Variants in HSD17B12 observed in about 807,000 individuals in gnomAD.
The protein encoded by HSD17B12 is hydroxysteroid 17-beta dehydrogenase 12.
In HSD17B12, 32 loss-of-function variants were observed where a neutral mutation model predicts 39.3. The ratio of observed to expected loss-of-function variants is 0.81; its 90% CI spans 0.61 to 1.09. The LOEUF (loss-of-function observed/expected upper bound fraction) is 1.09. HSD17B12 is among the 50% of genes least tolerant of loss of function. The pLI is 0.00. For missense variants in HSD17B12, 342 were observed against 382.9 expected (o/e 0.89, Z 0.89); for synonymous variants, 150 against 146.7 (o/e 1.02, Z -0.16).
the HSD17B12 span, among the ~76,000 whole-genome samples, chr11:43,574,521 A>G: frequency 1.3e-5 from 2 of 152,100 alleles, no homozygotes; most frequent in African/African-American, 2.4e-5. Context: ...AGATCTTCCA[A>G]TCTGCAAGAA....
At chr11:43,704,283 C>G (rs1013715858) in intron 1 of HSD17B12, among the ~76,000 whole-genome samples, 82 of 152,162 alleles carry the variant, frequency 5.4e-4, no homozygotes, top group African/African-American at 1.9e-3. Flanking sequence ...TGTATACTTT[C>G]TTTGTGAGTA....
the HSD17B12 span, among the ~76,000 whole-genome samples, chr11:43,636,211 A>G: frequency 4.0e-3 from 610 of 152,332 alleles, 3 homozygotes; most frequent in East Asian, 0.03. Context: ...AGTGAGAACT[A>G]TGTTGCACCG....
upstream of HSD17B12, among the ~76,000 whole-genome samples, chr11:43,677,161 T>C (rs1004273928): frequency 6.6e-5 from 10 of 152,144 alleles, no homozygotes; most frequent in Admixed American, 2.6e-4. Flanking sequence ...ATTAATCTGA[T>C]AAGAGAATGG....
At chr11:43,835,027 A>G (rs544432836) in intron 7 of HSD17B12, among the ~76,000 whole-genome samples, 8 of 152,282 alleles carry the variant, frequency 5.3e-5, no homozygotes, top group African/African-American at 9.6e-5. Flanking sequence ...GTTTATTTGG[A>G]TATTTGTCAT....
At chr11:43,813,223 TG>T (rs1364342722) in intron 4 of HSD17B12, among the ~76,000 whole-genome samples, 1 of 152,194 alleles carries the variant, frequency 6.6e-6, no homozygotes, top group Non-Finnish European at 1.5e-5. Context: ...TGCTTAACTT[TG>T]TACTTATAGT....
chr11:43,742,051 C>G (rs1199215987), intron 1 of HSD17B12, among the ~76,000 whole-genome samples: 1 of 148,374 alleles, frequency 6.7e-6, no homozygotes, highest in Non-Finnish European at 1.5e-5. Flanking sequence ...GATTTTCTAT[C>G]CAACTACAGC....
intron 1 of HSD17B12, among the ~76,000 whole-genome samples, chr11:43,738,861 CAG>C (rs1256129831): frequency 1.3e-5 from 2 of 152,122 alleles, no homozygotes; most frequent in East Asian, 1.9e-4. Flanking sequence ...GTTTGCAAAA[CAG>C]AGAGTCTCCA....
At chr11:43,626,969 G>A in the HSD17B12 span, among the ~76,000 whole-genome samples, 4 of 151,884 alleles carry the variant, frequency 2.6e-5, no homozygotes, top group African/African-American at 9.7e-5. Flanking sequence ...AGTTAAGGAG[G>A]GGCAGCTTAG....
At chr11:43,661,616 C>T in the HSD17B12 span, among the ~76,000 whole-genome samples, 1 of 152,094 alleles carries the variant, frequency 6.6e-6, no homozygotes, top group African/African-American at 2.4e-5. Context: ...AGTTCAAGAT[C>T]TGCCTAGACA....
chr11:43,653,220 TG>T, the HSD17B12 span, among the ~76,000 whole-genome samples: 1 of 152,152 alleles, frequency 6.6e-6, no homozygotes, highest in East Asian at 1.9e-4. Context: ...GAGCCAGGAA[TG>T]GTGCTGGAAC....
At chr11:43,708,881 G>A (rs1164380619) in intron 1 of HSD17B12, among the ~76,000 whole-genome samples, 2 of 152,290 alleles carry the variant, frequency 1.3e-5, no homozygotes, top group East Asian at 3.9e-4. Context: ...ATTCCCAATA[G>A]CAACTATAAC....
chr11:43,606,917 G>A, the HSD17B12 span, among the ~76,000 whole-genome samples: 1 of 152,178 alleles, frequency 6.6e-6, no homozygotes, highest in Non-Finnish European at 1.5e-5. Flanking sequence ...GGCATTGGGA[G>A]TCAATGTGAG....
the HSD17B12 span, among the ~76,000 whole-genome samples, chr11:43,578,735 A>G: frequency 1.3e-5 from 2 of 151,600 alleles, no homozygotes; most frequent in South Asian, 2.1e-4. Flanking sequence ...TGGTAGCGCC[A>G]ATAAAGCACT....
At chr11:43,733,312 ACTT>A (rs1194782146) in intron 1 of HSD17B12, among the ~76,000 whole-genome samples, 3 of 152,260 alleles carry the variant, frequency 2.0e-5, no homozygotes, top group East Asian at 1.9e-4. Context: ...TGAGATTGTC[ACTT>A]CTTCTGTTAA....
the HSD17B12 span, among the ~76,000 whole-genome samples, chr11:43,658,297 T>C: frequency 1.3e-5 from 2 of 151,822 alleles, no homozygotes; most frequent in African/African-American, 4.9e-5. Flanking sequence ...ATTCGTCTAG[T>C]TTTTTTTCAA....
At position 43,768,975 on chromosome 11, in the gene HSD17B12, A is replaced by G. The variant is rs529673400; in HGVS notation, c.283+14854A>G. Among the ~76,000 whole-genome samples the G allele has an allele frequency of 2.6e-5, 4 of 152,360 alleles. No homozygotes were observed. In the South Asian group the frequency reaches 6.2e-4, roughly 24 times the overall value. ...TACATTTACAATCCTCTAGCTAGAC[A>G]GAAAAGTTCACGAAGTCCCCACCAG... On this transcript the variant is annotated intron_variant, in intron 3 of 10. Transcript: ENST00000278353.
At chr11:43,835,015 T>C (rs996834511) in intron 7 of HSD17B12, among the ~76,000 whole-genome samples, 1 of 152,294 alleles carries the variant, frequency 6.6e-6, no homozygotes, top group South Asian at 2.1e-4. Context: ...ATTGCTTGAC[T>C]TGTTTATTTG....
chr11:43,788,465 A>G (rs964377090), intron 3 of HSD17B12, among the ~76,000 whole-genome samples: 11 of 152,140 alleles, frequency 7.2e-5, no homozygotes, highest in African/African-American at 2.7e-4. Context: ...CTGTCTCTTC[A>G]TAGAGCTGTT....
At chr11:43,846,830 A>AT (rs1278235591) in intron 9 of HSD17B12, among the ~76,000 whole-genome samples, 6 of 152,210 alleles carry the variant, frequency 3.9e-5, no homozygotes, top group African/African-American at 1.4e-4. Flanking sequence ...AAAGACAAAT[A>AT]TTTAAACACA....
Sources: allele counts gnomAD v4.1 joint callset (sites outside exome capture counted in the v4.1 genomes callset), GRCh38; gene constraint gnomAD v4.1.1; transcripts MANE v1.5; gene names NCBI Gene and HGNC (gene_info 2026-07-23, HGNC 2026-07-21).